MYOM1: variants seen among roughly 807,000 people sequenced by gnomAD.
The protein encoded by MYOM1 is myomesin-1.
Under a neutral mutation model 205.3 loss-of-function variants are expected in MYOM1, and 164 were observed. The observed-to-expected ratio is 0.80, with a 90% CI of 0.70 to 0.91. The LOEUF (loss-of-function observed/expected upper bound fraction) is 0.91, where lower values mean the gene tolerates loss of function less well. Ranked by LOEUF, MYOM1 falls within the 40% of genes least tolerant of loss-of-function variation. The probability of loss-of-function intolerance (pLI) is 0.00; values close to 1 mark genes in which losing one functional copy is unlikely to be tolerated. For missense variants in MYOM1, 2,011 were observed against 2,127.3 expected (o/e 0.95, Z 1.08); for synonymous variants, 772 against 789.4 (o/e 0.98, Z 0.37).
At chr18:3,132,682 CAAGG>C (rs2079895777) in intron 16 of MYOM1, among the ~76,000 whole-genome samples, 1 of 152,034 alleles carries the variant, frequency 6.6e-6, no homozygotes, top group African/African-American at 2.4e-5. Flanking sequence ...CGCTGCATGC[CAAGG>C]AAGGTACTTA....
At chr18:3,225,503 G>A in the MYOM1 span, among the ~76,000 whole-genome samples, 1 of 152,128 alleles carries the variant, frequency 6.6e-6, no homozygotes, top group Non-Finnish European at 1.5e-5. Context: ...CCAAAGGAGG[G>A]GGGTAGCAAG....
chr18:3,186,514 A>G (rs1567956596), intron 5 of MYOM1, among the ~76,000 whole-genome samples: 2 of 152,228 alleles, frequency 1.3e-5, no homozygotes, highest in Admixed American at 1.3e-4. Flanking sequence ...GACATGTGAC[A>G]GGAAAGTTCT....
intron 22 of MYOM1, 25 bp from the exon 23 acceptor site, chr18:3,102,655 G>C (rs1202127324): frequency 6.3e-7 from 1 of 1,599,320 alleles, no homozygotes; most frequent in Admixed American, 1.7e-5. Context: ...AGAAGGCACT[G>C]ATACTTCGTG....
At chr18:3,244,207 A>G in the MYOM1 span, among the ~76,000 whole-genome samples, 2 of 152,094 alleles carry the variant, frequency 1.3e-5, no homozygotes, top group East Asian at 3.8e-4. Context: ...GACATCGCCA[A>G]ATGTTCCTTC....
At chr18:3,095,623 T>C (rs1881062575) in intron 25 of MYOM1, among the ~76,000 whole-genome samples, 1 of 152,158 alleles carries the variant, frequency 6.6e-6, no homozygotes, top group African/African-American at 2.4e-5. Context: ...ATTAAGGTAC[T>C]GTGAATAGTG....
intron 19 of MYOM1, among the ~76,000 whole-genome samples, chr18:3,125,744 G>T (rs1176366005): frequency 1.3e-5 from 2 of 152,152 alleles, no homozygotes; most frequent in African/African-American, 4.8e-5. Flanking sequence ...TGGTAGCTTG[G>T]ATGTAGCTGA....
At chr18:3,122,180 GTTTT>G (rs71366636) in intron 19 of MYOM1, among the ~76,000 whole-genome samples, 2 of 138,628 alleles carry the variant, frequency 1.4e-5, no homozygotes, top group African/African-American at 5.2e-5. Flanking sequence ...TAAGATATTA[GTTTT>G]TTTTTTTTTT....
intron 10 of MYOM1, among the ~76,000 whole-genome samples, chr18:3,158,700 A>G (rs2080337468): frequency 2.6e-5 from 4 of 151,354 alleles, no homozygotes; most frequent in Admixed American, 2.6e-4. Context: ...GGTGGCTTTG[A>G]CCTCCCAGGC....
At position 3,143,988 on chromosome 18, in the gene MYOM1, C is replaced by A. The variant is rs545642059; in HGVS notation, c.1901-1925G>T. On this transcript the variant is annotated intron_variant, in intron 13 of 37. Coordinates refer to ENST00000356443, the MANE Select transcript of MYOM1 (RefSeq NM_003803.4). Reference sequence around the variant, plus strand: ...TTGGGAGGCCGAGGAGGGTGGATCACAAGGTCAGGAGATCAAGACCATCCT... The same window carrying A: ...TTGGGAGGCCGAGGAGGGTGGATCAAAAGGTCAGGAGATCAAGACCATCCT... 1.1e-4 allele frequency among the ~76,000 whole-genome samples: 17 copies of A among 150,206 alleles called. 1 individual carries two copies. The South Asian group carries it at 3.6e-3, about 32-fold the overall frequency.
chr18:3,123,018 T>C (rs1228662235), intron 19 of MYOM1, among the ~76,000 whole-genome samples: 3 of 151,992 alleles, frequency 2.0e-5, no homozygotes, highest in Non-Finnish European at 4.4e-5. Flanking sequence ...TCTGAGACGG[T>C]GTCGTGCTGT....
intron 32 of MYOM1, 26 bp downstream of exon 32, chr18:3,083,960 ATTG>A (rs770863093): frequency 6.3e-6 from 10 of 1,585,686 alleles, no homozygotes; most frequent in South Asian, 5.8e-5. Context: ...ATCATAAAGC[ATTG>A]TTGTGGTGCG....
chr18:3,206,794 A>G (rs1349442906), intron 2 of MYOM1, among the ~76,000 whole-genome samples: 1 of 152,160 alleles, frequency 6.6e-6, no homozygotes, highest in Non-Finnish European at 1.5e-5. Context: ...TTGCTAATAC[A>G]CTTTTCAGAA....
chr18:3,201,540 A>G (rs138782717), intron 2 of MYOM1, among the ~76,000 whole-genome samples: 2 of 152,176 alleles, frequency 1.3e-5, no homozygotes, highest in Non-Finnish European at 2.9e-5. Context: ...ACACATGTAC[A>G]TGCACATATA....
chr18:3,174,722 G>A (rs139393987), intron 6 of MYOM1, among the ~76,000 whole-genome samples: 55 of 152,284 alleles, frequency 3.6e-4, no homozygotes, highest in African/African-American at 1.3e-3. Flanking sequence ...CAGTCCCTCC[G>A]TGTAGATTCC....
chr18:3,074,029 A>C (rs2078992834), intron 36 of MYOM1, among the ~76,000 whole-genome samples: 1 of 152,246 alleles, frequency 6.6e-6, no homozygotes, highest in Admixed American at 6.5e-5. Context: ...CATAGCTTAC[A>C]AAAGTTTACA....
At chr18:3,158,186 A>C (rs945430988) in intron 10 of MYOM1, among the ~76,000 whole-genome samples, 3 of 152,212 alleles carry the variant, frequency 2.0e-5, no homozygotes, top group African/African-American at 7.2e-5. Flanking sequence ...TTATAAACTC[A>C]GAAATGATTA....
intron 29 of MYOM1, among the ~76,000 whole-genome samples, chr18:3,087,950 C>A (rs556828673): frequency 6.6e-6 from 1 of 152,246 alleles, no homozygotes; most frequent in East Asian, 1.9e-4. Context: ...AGTAACGGAA[C>A]AAAGAGCTAT....
At chr18:3,183,167 C>G (rs1415670095) in intron 5 of MYOM1, among the ~76,000 whole-genome samples, 1 of 152,052 alleles carries the variant, frequency 6.6e-6, no homozygotes, top group Non-Finnish European at 1.5e-5. Flanking sequence ...GACCTCAGGT[C>G]ATCCGCCCGA....
chr18:3,104,951 G>C (rs940898802), intron 22 of MYOM1, among the ~76,000 whole-genome samples: 25 of 152,038 alleles, frequency 1.6e-4, no homozygotes, highest in African/African-American at 5.8e-4. Flanking sequence ...CTTTTGCCAT[G>C]TTGGCCAGGC....
Sources: allele counts gnomAD v4.1 joint callset (sites outside exome capture counted in the v4.1 genomes callset), GRCh38; gene constraint gnomAD v4.1.1; transcripts MANE v1.5; gene names NCBI Gene and HGNC (gene_info 2026-07-23, HGNC 2026-07-21).